PRDM16: variants seen among roughly 807,000 people sequenced by gnomAD.
PRDM16 encodes histone-lysine N-methyltransferase PRDM16.
Under a neutral mutation model 110.6 loss-of-function variants are expected in PRDM16, and 23 were observed. The observed-to-expected ratio is 0.21, with a 90% CI of 0.15 to 0.29. The LOEUF is 0.29. Ranked by LOEUF, PRDM16 falls within the 10% of genes least tolerant of loss-of-function variation. PRDM16 has a pLI of 1.00. For missense variants in PRDM16, 1,615 were observed against 1,794.3 expected (o/e 0.90, Z 1.81); for synonymous variants, 799 against 781.8 (o/e 1.02, Z -0.37).
In PRDM16 at chr1:3,358,649, G is replaced by A. The variant is rs887344174; in HGVS notation, c.439-26503G>A. Among the ~76,000 whole-genome samples the A allele has an allele frequency of 1.3e-5, 2 of 152,112 alleles. No homozygotes were observed. The highest frequency in any genetic ancestry group is 4.8e-5 in the African/African-American group (2 of 41,426). ...TCAGAAACATCTCCGATTGGAACAC[G>A]ACACAGACCATCCTTCCCAGAGCAG... is the stretch of plus-strand genomic sequence containing the variant. On this transcript the variant is annotated intron_variant, in intron 3 of 16. Coordinates refer to ENST00000270722, the MANE Select transcript of PRDM16 (RefSeq NM_022114.4). The surrounding 1 kb of genome is among the most constrained non-coding windows in gnomAD (Gnocchi z 4.0).
At chr1:3,400,921 C>T (rs981659997) in intron 5 of PRDM16, among the ~76,000 whole-genome samples, 6 of 152,142 alleles carry the variant, frequency 3.9e-5, no homozygotes, top group South Asian at 2.1e-4. Context: ...TGTCCAAAGA[C>T]GGCACCAAAA....
At chr1:3,196,168 G>T (rs973736260) in intron 2 of PRDM16, among the ~76,000 whole-genome samples, 3 of 152,242 alleles carry the variant, frequency 2.0e-5, no homozygotes, top group African/African-American at 7.2e-5. Context: ...TCCAGCAGGG[G>T]CGGCAGCTGG....
At chr1:3,343,275 T>C (rs1417360658) in intron 3 of PRDM16, among the ~76,000 whole-genome samples, 1 of 148,882 alleles carries the variant, frequency 6.7e-6, no homozygotes, top group Non-Finnish European at 1.5e-5. Context: ...TATAAGTGCT[T>C]TTGTGAAGTG....
intron 3 of PRDM16, among the ~76,000 whole-genome samples, chr1:3,274,906 C>T (rs1294831024): frequency 2.0e-5 from 3 of 152,220 alleles, no homozygotes; most frequent in Non-Finnish European, 4.4e-5. Flanking sequence ...ACACATGGCA[C>T]CTGCTCAAGG....
chr1:3,320,449 C>T (rs1641714233), intron 3 of PRDM16, among the ~76,000 whole-genome samples: 1 of 152,196 alleles, frequency 6.6e-6, no homozygotes, highest in African/African-American at 2.4e-5. Context: ...GGTGCAGTCA[C>T]AGGCAGCAGG....
chr1:3,389,803 C>T (rs1313367146), intron 4 of PRDM16, among the ~76,000 whole-genome samples: 2 of 152,184 alleles, frequency 1.3e-5, no homozygotes, highest in African/African-American at 4.8e-5. Flanking sequence ...TCCCCTGGGA[C>T]TTTCGGGGCA....
intron 2 of PRDM16, among the ~76,000 whole-genome samples, chr1:3,223,268 G>A (rs1639216498): frequency 6.6e-6 from 1 of 152,066 alleles, no homozygotes; most frequent in Admixed American, 6.5e-5. Context: ...TAACTAGGGC[G>A]CGGCTCATCG....
At chr1:3,287,610 ATG>A (rs1640884133) in intron 3 of PRDM16, among the ~76,000 whole-genome samples, 1 of 22,704 alleles carries the variant, frequency 4.4e-5, no homozygotes, top group Non-Finnish European at 6.6e-5. Context: ...TGCCCCTGCC[ATG>A]CGGGCATCGA....
chr1:3,338,537 C>T lies in PRDM16; in HGVS notation c.439-46615C>T, dbSNP rs141385332. On this transcript the variant is annotated intron_variant, in intron 3 of 16. Transcript: ENST00000270722. The stretch of plus-strand genomic sequence containing the variant: ...TGGGGACGGGGTGCCCGGGGAAAGC[C>T]GCCTCTTCTGTCTGACTGCCCAGGG... Among the ~76,000 whole-genome samples, 791 of 152,310 alleles carry T rather than the reference C, an allele frequency of 5.2e-3. 7 individuals are homozygous for T. Among genetic ancestry groups the T allele is most frequent in the African/African-American group, 0.018 (751 of 41,574 alleles).
intron 3 of PRDM16, among the ~76,000 whole-genome samples, chr1:3,284,399 T>G (rs1640802017): frequency 2.0e-5 from 3 of 152,198 alleles, no homozygotes; most frequent in South Asian, 4.1e-4. Context: ...CAGGTGGGCG[T>G]TCTCCTATTA....
In PRDM16 at chr1:3,411,417, C is replaced by G; in HGVS notation, c.1220C>G (p.Ser407Cys). ...EVCHKSYTQF[S>C]NLCRHKRMHA... ...TGCCACAAGTCCTACACGCAGTTCT[C>G]CAACCTGTGCCGGCACAAGCGGATG... The change falls in exon 9 of 17, where the codon TCC becomes TGC. Residue 407 changes from serine (S) to cysteine (C), a missense_variant. Ser to Cys is a moderately radical substitution (Grantham distance 112). Coordinates refer to ENST00000270722, the MANE Select transcript of PRDM16 (RefSeq NM_022114.4). The G allele has an allele frequency of 6.2e-7, 1 of 1,614,000 alleles. No individual in the cohort carries two copies. Among genetic ancestry groups the G allele is most frequent in the Non-Finnish European group, 8.5e-7 (1 of 1,179,862 alleles).
intron 1 of PRDM16, among the ~76,000 whole-genome samples, chr1:3,079,512 C>T (rs1460161872): frequency 6.6e-6 from 1 of 152,134 alleles, no homozygotes; most frequent in Non-Finnish European, 1.5e-5. Flanking sequence ...ATACTGCTGC[C>T]TTAGGCAGCA....
At chr1:3,290,000 C>T (rs1468993713) in intron 3 of PRDM16, among the ~76,000 whole-genome samples, 2 of 151,736 alleles carry the variant, frequency 1.3e-5, no homozygotes, top group African/African-American at 4.8e-5. Context: ...GCCAGGACCC[C>T]ACTCCTGCCT....
At chr1:3,153,641 C>T (rs1232102201) in intron 1 of PRDM16, among the ~76,000 whole-genome samples, 4 of 152,200 alleles carry the variant, frequency 2.6e-5, no homozygotes, top group East Asian at 1.9e-4. Context: ...CCCGATTCAC[C>T]CTTCCGGAAA....
chr1:3,422,303 A>C (rs1314028416), intron 12 of PRDM16, among the ~76,000 whole-genome samples: 1 of 150,850 alleles, frequency 6.6e-6, no homozygotes, highest in Non-Finnish European at 1.5e-5. Flanking sequence ...AGGCAGACAG[A>C]CAGGCAGACA....
intron 1 of PRDM16, among the ~76,000 whole-genome samples, chr1:3,179,400 CT>C (rs1285002451): frequency 6.6e-6 from 1 of 152,348 alleles, no homozygotes; most frequent in African/African-American, 2.4e-5. Context: ...CTTCACCCCC[CT>C]GTGCCTCTGT....
rs1553174650 is a variant in PRDM16 at position 3,404,758 on chromosome 1, A to G, written c.904A>G (p.Ile302Val). Reference sequence around the variant, plus strand: ...GCGCAGCCTGGAGCAGCACATGGTCATCCACACGGAGGAGCGCGAGTACAA... The same window carrying G: ...GCGCAGCCTGGAGCAGCACATGGTCGTCCACACGGAGGAGCGCGAGTACAA... ...NKYSLEQHMVIHTEEREYKCD... is the reference protein window; with the variant it reads ...NKYSLEQHMVVHTEEREYKCD... The change falls in exon 7 of 17, where the codon ATC (isoleucine) becomes GTC (valine). Residue 302 changes from isoleucine (I) to valine (V), a missense_variant. This residue lies in a region of PRDM16 where 416 missense variants were observed against 467.1 expected (regional missense o/e 0.89). Transcript: ENST00000270722. The G allele has an allele frequency of 1.2e-6, 2 of 1,613,556 alleles. No homozygotes were observed. Among genetic ancestry groups the G allele is most frequent in the Non-Finnish European group, 1.7e-6 (2 of 1,179,974 alleles).
intron 3 of PRDM16, among the ~76,000 whole-genome samples, chr1:3,303,070 G>A (rs896273936): frequency 3.9e-5 from 6 of 152,040 alleles, no homozygotes; most frequent in Admixed American, 3.9e-4. Context: ...ATACATATAT[G>A]TCAGTTTTAC....
At chr1:3,342,319 C>T (rs1261221090) in intron 3 of PRDM16, among the ~76,000 whole-genome samples, 1 of 152,250 alleles carries the variant, frequency 6.6e-6, no homozygotes, top group African/African-American at 2.4e-5. Context: ...ATTAACAACT[C>T]AAACCTGAGA....
Sources: gnomAD v4.1 joint callset for allele counts (sites outside exome capture counted in the v4.1 genomes callset) on GRCh38, gnomAD v4.1.1 for gene constraint, gnomAD v4.1.1 regional missense constraint, Gnocchi (gnomAD v3.1) non-coding constraint, MANE v1.5 for transcripts, NCBI Gene and HGNC (gene_info 2026-07-23, HGNC 2026-07-21) for gene names.